The following CAMTA1 variants were observed in gnomAD, a reference collection of about 807,000 sequenced individuals.
The protein encoded by CAMTA1 is calmodulin-binding transcription activator 1.
In CAMTA1, 27 loss-of-function variants were observed where a neutral mutation model predicts 170.9. The observed-to-expected ratio is 0.16, with a 90% CI of 0.12 to 0.22. The LOEUF (loss-of-function observed/expected upper bound fraction) is 0.22, where lower values mean the gene tolerates loss of function less well. Ranked by LOEUF, CAMTA1 falls within the 10% of genes least tolerant of loss-of-function variation. The pLI is 1.00. For synonymous variants in CAMTA1, 833 were observed against 891.5 expected (o/e 0.93, Z 1.17); for missense variants, 1,619 against 2,217.2 (o/e 0.73, Z 5.42).
chr1:7,225,033 G>A (rs1457304379), intron 4 of CAMTA1, among the ~76,000 whole-genome samples: 9 of 152,164 alleles, frequency 5.9e-5, no homozygotes, highest in Admixed American at 5.9e-4. Context: ...GGCTGTAAGG[G>A]GCCAGCTGGG....
chr1:7,426,010 G>A lies in CAMTA1; in HGVS notation c.439-41820G>A, dbSNP rs2091858883. ...GCTGAGAAAAGAGGCTGCAGTGACTGGCACTACACATGCTTGAGATCACAG... is the reference window on the plus strand; with the variant it reads ...GCTGAGAAAAGAGGCTGCAGTGACTAGCACTACACATGCTTGAGATCACAG... On this transcript the variant is annotated intron_variant, in intron 5 of 22. Transcript: ENST00000303635. The surrounding 1 kb of genome is among the most constrained non-coding windows in gnomAD (Gnocchi z 4.8). Among the ~76,000 whole-genome samples the A allele has an allele frequency of 6.6e-6, 1 of 152,090 alleles. No homozygotes were observed. Among genetic ancestry groups the A allele is most frequent in the South Asian group, 2.1e-4 (1 of 4,828 alleles).
intron 3 of CAMTA1, among the ~76,000 whole-genome samples, chr1:7,056,376 C>T (rs557483591): frequency 6.6e-6 from 1 of 152,104 alleles, no homozygotes; most frequent in South Asian, 2.1e-4. Context: ...GATGCAGCCC[C>T]CAGGTGGGAA....
chr1:6,917,496 G>A (rs1205035678), intron 3 of CAMTA1, among the ~76,000 whole-genome samples: 1 of 148,224 alleles, frequency 6.7e-6, no homozygotes, highest in Non-Finnish European at 1.5e-5. Flanking sequence ...GGAGAGAAGT[G>A]ACAGATTCAA....
At chr1:7,035,005 A>C (rs1352662669) in intron 3 of CAMTA1, among the ~76,000 whole-genome samples, 1 of 152,218 alleles carries the variant, frequency 6.6e-6, no homozygotes, top group Non-Finnish European at 1.5e-5. Flanking sequence ...GCTTTTCTTC[A>C]AGACAACCAT....
intron 6 of CAMTA1, among the ~76,000 whole-genome samples, chr1:7,514,003 C>T (rs1168633112): frequency 6.6e-6 from 1 of 152,124 alleles, no homozygotes; most frequent in East Asian, 1.9e-4. Flanking sequence ...CAGGGCCCAC[C>T]CTACTCCAAT....
At chr1:7,302,471 A>T (rs572541100) in intron 5 of CAMTA1, among the ~76,000 whole-genome samples, 1 of 152,234 alleles carries the variant, frequency 6.6e-6, no homozygotes, top group Non-Finnish European at 1.5e-5. Context: ...TACCCGAAAT[A>T]TGGGCTGCCA....
At chr1:7,371,239 TTTTGTTTGTTTG>T (rs61520755) in intron 5 of CAMTA1, among the ~76,000 whole-genome samples, 58 of 147,370 alleles carry the variant, frequency 3.9e-4, no homozygotes, top group East Asian at 1.7e-3. Flanking sequence ...ATGCTCTGGG[TTTTGTTTGTTTG>T]TTTGTTTGTT....
intron 16 of CAMTA1, among the ~76,000 whole-genome samples, chr1:7,739,052 T>G (rs2096791487): frequency 6.6e-6 from 1 of 152,218 alleles, no homozygotes; most frequent in South Asian, 2.1e-4. Context: ...AAACTTGTTA[T>G]GGACTAAGAG....
At chr1:7,731,469 G>A (rs1490543867) in intron 11 of CAMTA1, among the ~76,000 whole-genome samples, 1 of 151,886 alleles carries the variant, frequency 6.6e-6, no homozygotes, top group Non-Finnish European at 1.5e-5. Context: ...CTACTTGGGA[G>A]GCTGAGGCAG....
intron 1 of CAMTA1, among the ~76,000 whole-genome samples, chr1:6,803,351 T>C (rs1351190820): frequency 6.6e-6 from 1 of 152,214 alleles, no homozygotes; most frequent in African/African-American, 2.4e-5. Context: ...TCTCTTTAAG[T>C]GTATGTGGCT....
intron 5 of CAMTA1, chr1:7,368,939 G>A (rs2086227445): frequency 6.6e-6 from 1 of 152,310 alleles, no homozygotes; most frequent in Non-Finnish European, 1.5e-5. Context: ...ACACTGCACT[G>A]TGGCACAGTG....
chr1:7,717,380 C>G (rs1029890757), intron 11 of CAMTA1, among the ~76,000 whole-genome samples: 1 of 152,120 alleles, frequency 6.6e-6, no homozygotes, highest in Non-Finnish European at 1.5e-5. Flanking sequence ...TAGATTTAAT[C>G]TTTCCACAAC....
At chr1:6,837,519 G>C (rs559361671) in intron 3 of CAMTA1, among the ~76,000 whole-genome samples, 1 of 152,254 alleles carries the variant, frequency 6.6e-6, no homozygotes, top group African/African-American at 2.4e-5. Flanking sequence ...GATGCCATCT[G>C]CTTCCCATTT....
chr1:6,854,382 G>T (rs1389350272), intron 3 of CAMTA1, among the ~76,000 whole-genome samples: 1 of 152,124 alleles, frequency 6.6e-6, no homozygotes, highest in African/African-American at 2.4e-5. Flanking sequence ...TACTATCTAG[G>T]TTTTTGTAAG....
At chr1:7,687,900 G>A (rs2096272226) in intron 11 of CAMTA1, among the ~76,000 whole-genome samples, 1 of 152,130 alleles carries the variant, frequency 6.6e-6, no homozygotes, top group Non-Finnish European at 1.5e-5. Context: ...CTGACCACTG[G>A]TTGTTGCTGG....
At chr1:7,601,265 G>A (rs373013371) in intron 6 of CAMTA1, among the ~76,000 whole-genome samples, 3,730 of 151,200 alleles carry the variant, frequency 0.025, 64 homozygotes, top group South Asian at 0.05. Flanking sequence ...CTTCTCAGAC[G>A]GGGCGGTTGC....
intron 20 of CAMTA1, among the ~76,000 whole-genome samples, chr1:7,752,061 A>C (rs974109500): frequency 3.4e-4 from 52 of 152,234 alleles, no homozygotes; most frequent in African/African-American, 1.2e-3. Flanking sequence ...TGATCAGTAC[A>C]TTTACAAAAT....
At chr1:7,217,712 CTT>C (rs1392594856) in intron 4 of CAMTA1, among the ~76,000 whole-genome samples, 1 of 152,068 alleles carries the variant, frequency 6.6e-6, no homozygotes, top group African/African-American at 2.4e-5. Context: ...CTCTTACTAA[CTT>C]TTACCATTTG....
intron 3 of CAMTA1, among the ~76,000 whole-genome samples, chr1:7,082,440 A>AATAGATAGATAG (rs150422699): frequency 0.044 from 6,216 of 142,240 alleles, 171 homozygotes; most frequent in African/African-American, 0.058. Context: ...TGCATCTCGA[A>AATAGATAGATAG]ATAGATAGAT....
Sources: gnomAD v4.1 joint callset for allele counts (sites outside exome capture counted in the v4.1 genomes callset) on GRCh38, gnomAD v4.1.1 for gene constraint, Gnocchi (gnomAD v3.1) non-coding constraint, MANE v1.5 for transcripts, NCBI Gene and HGNC (gene_info 2026-07-23, HGNC 2026-07-21) for gene names.